The following STOM variants were observed in gnomAD, a reference collection of about 807,000 sequenced individuals.
STOM encodes erythrocyte band 7 integral membrane protein.
Under a neutral mutation model 30.6 loss-of-function variants are expected in STOM, and 25 were observed. That is an observed-to-expected ratio of 0.82 (90% CI 0.60 to 1.14). The LOEUF is 1.14. Among genes scored for constraint, STOM ranks in the 50% most tolerant of loss-of-function variants. The pLI, the probability that STOM is intolerant of heterozygous loss-of-function variation, is 0.00. For missense variants in STOM, 292 were observed against 365.2 expected, an observed-to-expected ratio of 0.80 and a Z score of 1.63; for synonymous variants, 118 against 130.8, an observed-to-expected ratio of 0.90 and a Z score of 0.67.
chr9:121,363,702 C>G (rs950326844), intron 1 of STOM, among the ~76,000 whole-genome samples: 27 of 152,146 alleles, frequency 1.8e-4, no homozygotes, highest in African/African-American at 6.5e-4. Flanking sequence ...CATACAGAAA[C>G]AGAGTCAGCT....
intron 1 of STOM, among the ~76,000 whole-genome samples, chr9:121,362,150 T>C (rs2064459230): frequency 3.3e-5 from 5 of 152,180 alleles, no homozygotes. Context: ...AACATTCAAG[T>C]TGGGCTTACC....
chr9:121,350,696 C>T (rs2064331818), intron 4 of STOM, among the ~76,000 whole-genome samples: 1 of 152,232 alleles, frequency 6.6e-6, no homozygotes, highest in African/African-American at 2.4e-5. Flanking sequence ...CTGCCTAATT[C>T]TATCCAAATT....
In STOM at chr9:121,341,018, A is replaced by G. The variant is rs1441560029; in HGVS notation, c.*184T>C. On this transcript the variant is annotated 3_prime_UTR_variant, in exon 7 of 7. Coordinates refer to ENST00000286713, the MANE Select transcript of STOM (RefSeq NM_004099.6). ...TTTTAAGACTAACAGATTACCTTAT[A>G]TAAATCACCAATCTCTCAGTATTTA... 4 of 1,434,858 alleles carry G rather than the reference A, an allele frequency of 2.8e-6. No individual in the cohort carries two copies. The East Asian group carries it at 7.5e-5, about 27-fold the overall frequency. The allele number at this position is 1,434,858 out of a possible 1,614,324, so 88.9% of individuals were successfully genotyped here.
At chr9:121,347,981 T>G in intron 6 of STOM, 34 bp downstream of exon 6, 1 of 1,574,822 alleles carries the variant, frequency 6.3e-7, no homozygotes, top group Non-Finnish European at 8.6e-7. Context: ...AAGAGAAAAC[T>G]CAGTAAGAAA....
chr9:121,348,266 G>A, intron 5 of STOM, 117 bp from the exon 6 acceptor site: 1 of 1,425,562 alleles, frequency 7.0e-7, no homozygotes, highest in Non-Finnish European at 9.6e-7. Flanking sequence ...TGGAGAGACA[G>A]TTACCCCACG....
intron 2 of STOM, among the ~76,000 whole-genome samples, chr9:121,354,887 G>A (rs982776493): frequency 6.6e-6 from 1 of 152,074 alleles, no homozygotes; most frequent in African/African-American, 2.4e-5. Flanking sequence ...GATATTCACT[G>A]TATAAATTTA....
At chr9:121,363,288 C>T (rs533307642) in intron 1 of STOM, among the ~76,000 whole-genome samples, 1 of 152,288 alleles carries the variant, frequency 6.6e-6, no homozygotes, top group South Asian at 2.1e-4. Flanking sequence ...AAAACACATG[C>T]TATTCAGTTG....
At chr9:121,360,293 TA>T (rs1452599676) in intron 1 of STOM, among the ~76,000 whole-genome samples, 1 of 152,206 alleles carries the variant, frequency 6.6e-6, no homozygotes, top group Non-Finnish European at 1.5e-5. Context: ...TTTTATTTTT[TA>T]TTTATTTTTA....
intron 1 of STOM, among the ~76,000 whole-genome samples, chr9:121,363,226 G>A (rs901167067): frequency 1.3e-5 from 2 of 152,180 alleles, no homozygotes; most frequent in Non-Finnish European, 2.9e-5. Context: ...AAATTGATGA[G>A]AGCAGTCCTG....
At position 121,341,207 on chromosome 9, in the gene STOM, C is replaced by T; in HGVS notation, c.862G>A (p.Gly288Ser). The T allele has an allele frequency of 8.1e-6, 13 of 1,614,110 alleles. No individual in the cohort carries two copies. Among genetic ancestry groups the T allele is most frequent in the Non-Finnish European group, 1.0e-5 (12 of 1,180,022 alleles). ...GGCTAGCGCTCATCTCTACACTAGCCTAGATGGCTGTGTTTTGCCCCTATG... is the reference window on the plus strand; with the variant it reads ...GGCTAGCGCTCATCTCTACACTAGCTTAGATGGCTGTGTTTTGCCCCTATG... ...GIIGAKHSHL[G>S] Residue 288 changes from glycine to serine, a missense_variant, in exon 7 of 7, where the codon GGC becomes AGC. Gly to Ser is a moderately conservative substitution (Grantham distance 56). Coordinates refer to ENST00000286713, the MANE Select transcript of STOM (RefSeq NM_004099.6).
In STOM at chr9:121,353,319, C is replaced by A; in HGVS notation, c.239-17G>T. 6.4e-7 allele frequency: 1 copy of A among 1,564,504 alleles called. No individual in the cohort carries two copies. The highest frequency in any genetic ancestry group is 1.2e-5 in the South Asian group (1 of 86,728). On this transcript the variant is annotated splice_polypyrimidine_tract_variant and intron_variant, in intron 3 of 6. Transcript: ENST00000286713. ...AAAACAAACCTGCAACAAAGATACA[C>A]ACATTATACAGACACCAGCAACCTA...
chr9:121,355,921 A>G, intron 2 of STOM, 132 bp downstream of exon 2: 1 of 611,152 alleles, frequency 1.6e-6, no homozygotes, highest in Non-Finnish European at 2.6e-6. Context: ...TTTCCAAAGA[A>G]AGATGAAGAA....
chr9:121,359,394 T>C (rs2064428525), intron 1 of STOM, among the ~76,000 whole-genome samples: 2 of 152,206 alleles, frequency 1.3e-5, no homozygotes, highest in South Asian at 4.1e-4. Flanking sequence ...AATGTCTTCA[T>C]GTATACTTAA....
In STOM at chr9:121,349,133, G is replaced by A. The variant is rs1589289586; in HGVS notation, c.512C>T (p.Ala171Val). The part of the protein sequence containing the change: ...SQILSDREEI[A>V]HNMQSTLDDA... ...CGTACTCCCCACCTGCATGTTGTGT[G>A]CAATTTCTTCTCTGTCAGAGAGGAT... The change falls in exon 5 of 7, where the codon GCA (alanine) becomes GTA (valine). Residue 171 changes from alanine to valine, a missense_variant. Ala to Val is a moderately conservative substitution (Grantham distance 64). Coordinates refer to ENST00000286713, the MANE Select transcript of STOM (RefSeq NM_004099.6). 2 of 1,614,120 alleles carry A rather than the reference G, an allele frequency of 1.2e-6. No homozygotes were observed. Among genetic ancestry groups the A allele is most frequent in the Non-Finnish European group, 1.7e-6 (2 of 1,180,006 alleles).
intron 4 of STOM, 107 bp from the exon 5 acceptor site, chr9:121,349,430 T>A: frequency 1.1e-6 from 1 of 872,788 alleles, no homozygotes; most frequent in Non-Finnish European, 1.8e-6. Context: ...TGATTTTCTT[T>A]AGTAAGGCAT....
At chr9:121,369,678 G>A (rs945643760) in intron 1 of STOM, among the ~76,000 whole-genome samples, 4 of 152,114 alleles carry the variant, frequency 2.6e-5, no homozygotes, top group Non-Finnish European at 5.9e-5. Flanking sequence ...GGGGAGGAGG[G>A]GGTTCACCCT....
rs780300821 is a variant in STOM at position 121,353,224 on chromosome 9, T to G, written c.317A>C (p.Gln106Pro). ...GTTATTCAAAGAAAACCTTACCTCC[T>G]GAGGAGGAATATCAAATGAAATAGT... ...MRTISFDIPP[Q>P]EILTKDSVTI... Residue 106 changes from glutamine to proline, a missense_variant, in exon 4 of 7, where the codon CAG becomes CCG. By Grantham distance (76) the Gln-to-Pro change is moderately conservative. Coordinates refer to ENST00000286713, the MANE Select transcript of STOM (RefSeq NM_004099.6). The G allele has an allele frequency of 6.2e-7, 1 of 1,607,622 alleles. No homozygotes were observed. The highest frequency in any genetic ancestry group is 8.5e-7 in the Non-Finnish European group (1 of 1,176,570).
At chr9:121,365,463 C>T (rs933253235) in intron 1 of STOM, among the ~76,000 whole-genome samples, 1 of 144,034 alleles carries the variant, frequency 6.9e-6, no homozygotes, top group Non-Finnish European at 1.5e-5. Flanking sequence ...AACAAAAACC[C>T]TCCCACTTTT....
chr9:121,361,173 G>T (rs887003078), intron 1 of STOM, among the ~76,000 whole-genome samples: 2 of 152,004 alleles, frequency 1.3e-5, no homozygotes, highest in African/African-American at 2.4e-5. Context: ...TAGCTCAGAG[G>T]TGAGGCTTAA....
Sources: gnomAD v4.1 joint callset for allele counts (sites outside exome capture counted in the v4.1 genomes callset) on GRCh38, gnomAD v4.1.1 for gene constraint, MANE v1.5 for transcripts, NCBI Gene and HGNC (gene_info 2026-07-23, HGNC 2026-07-21) for gene names.